BANF1: variants seen among roughly 807,000 people sequenced by gnomAD.
BANF1 encodes barrier to autointegration nuclear assembly factor 1, also known as barrier-to-autointegration factor.
For synonymous variants in BANF1, 49 were observed against 43.7 expected (o/e 1.12, Z -0.48); for missense variants, 47 against 110.4 (o/e 0.43, Z 2.57).
chr11:66,002,592 G>C (rs1856019585), intron 1 of BANF1, 22 bp downstream of exon 1: 2 of 152,654 alleles, frequency 1.3e-5, no homozygotes, highest in African/African-American at 4.8e-5. Flanking sequence ...CCGCGGAGCA[G>C]GGCCCTGATT....
intron 1 of BANF1, chr11:66,002,841 TAGAG>T (rs147545467): frequency 0.04 from 12,137 of 303,662 alleles, 497 homozygotes; most frequent in East Asian, 0.15. Flanking sequence ...GCCCTGTAGG[TAGAG>T]AGACCCTTTG....
chr11:66,003,703 T>C lies in BANF1; in HGVS notation c.201T>C (p.Cys67=), dbSNP rs1856067342. The change falls in exon 3 of 3, where the codon TGT becomes TGC. Residue 67 remains cysteine (C), a synonymous_variant. Coordinates refer to ENST00000312175, the MANE Select transcript of BANF1 (RefSeq NM_003860.4). The stretch of plus-strand genomic sequence containing the variant: ...TCCGGGAATGGCTGAAAGACACTTG[T>C]GGCGCCAACGCCAAGCAGTCCCGGG... The part of the protein sequence containing the change: ...DLFREWLKDT[C]GANAKQSRDC... The C allele has an allele frequency of 6.2e-7, 1 of 1,614,180 alleles. No homozygotes were observed. The highest frequency in any genetic ancestry group is 8.5e-7 in the Non-Finnish European group (1 of 1,180,034).
chr11:66,002,664 C>CT (rs1206470172), intron 1 of BANF1, 94 bp downstream of exon 1: 2 of 138,230 alleles, frequency 1.4e-5, no homozygotes, highest in East Asian at 4.5e-4. Flanking sequence ...GTGGCGGGCC[C>CT]TGGGGGAGAG....
At chr11:66,003,485 C>T (rs998643472) in intron 2 of BANF1, 112 bp downstream of exon 2, 27 of 1,607,298 alleles carry the variant, frequency 1.7e-5, no homozygotes, top group Non-Finnish European at 1.7e-5. Flanking sequence ...AGAGCCTGGG[C>T]ACCTGGTGGA....
At chr11:66,003,522 G>T in intron 2 of BANF1, 104 bp from the exon 3 acceptor site, 2 of 1,610,892 alleles carry the variant, frequency 1.2e-6, no homozygotes, top group South Asian at 1.1e-5. Context: ...AACCCGCGCT[G>T]CTTCCTGGGC....
rs1245495017 is a variant in BANF1, at chr11:66,004,144, T to G, written c.*372T>G. On this transcript the variant is annotated 3_prime_UTR_variant, in exon 3 of 3. Coordinates refer to ENST00000312175, the MANE Select transcript of BANF1 (RefSeq NM_003860.4). ...TTTAGATCAATAAAGTCAGTGGCTT[T>G]CATGACTGGGCTTTGTGCACTGAAA... is the stretch of plus-strand genomic sequence containing the variant. 2.9e-6 allele frequency: 1 copy of G among 345,990 alleles called. No homozygotes were observed. Among genetic ancestry groups the G allele is most frequent in the Non-Finnish European group, 5.6e-6 (1 of 178,572 alleles). 21.4% of individuals were successfully genotyped at this position (345,990 alleles called of 1,614,324 possible).
chr11:66,003,167 G>C lies in BANF1; in HGVS notation c.-16-68G>C, dbSNP rs190496509. On this transcript the variant is annotated intron_variant, in intron 1 of 2. Coordinates refer to ENST00000312175, the MANE Select transcript of BANF1 (RefSeq NM_003860.4). The stretch of plus-strand genomic sequence containing the variant: ...CTGGCTTGGCTTCCTCTTACTATGA[G>C]ATTGCTCGTGGGCCCTTAGAAGTTC... 1,603 of 1,561,952 alleles carry C rather than the reference G, an allele frequency of 1.0e-3. 8 individuals are homozygous for C. The Middle Eastern group carries it at 0.026, about 25-fold the overall frequency.
At chr11:66,002,847 G>A (rs1161337612) in intron 1 of BANF1, 4 of 311,390 alleles carry the variant, frequency 1.3e-5, no homozygotes, top group African/African-American at 8.8e-5. Flanking sequence ...TAGGTAGAGA[G>A]ACCCTTTGGT....
chr11:66,003,989 C>A lies in BANF1; in HGVS notation c.*217C>A. 1.7e-6 allele frequency: 1 copy of A among 576,970 alleles called. No homozygotes were observed. The highest frequency in any genetic ancestry group is 3.0e-6 in the Non-Finnish European group (1 of 328,458). 35.7% of individuals were successfully genotyped at this position (576,970 alleles called of 1,614,324 possible). A position where few individuals can be genotyped will look rare whatever the true frequency, so the allele number is the denominator to read the frequency against. ...CCCCGTCCTTTTTCCCTTGCCAGTT[C>A]CCTGGTGACAGTTACCAGCTTTCCT... On this transcript the variant is annotated 3_prime_UTR_variant, in exon 3 of 3. Transcript: ENST00000312175.
rs763883395 is a variant in BANF1 at position 66,003,671 on chromosome 11, G to T, written c.169G>T (p.Asp57Tyr). 3.1e-6 allele frequency: 5 copies of T among 1,614,102 alleles called. No individual in the cohort carries two copies. In the Admixed American group the frequency reaches 6.7e-5, roughly 22 times the overall value. ...GTTTCTGGTGCTAAAGAAAGATGAAGACCTCTTCCGGGAATGGCTGAAAGA... is the reference window on the plus strand; with the variant it reads ...GTTTCTGGTGCTAAAGAAAGATGAATACCTCTTCCGGGAATGGCTGAAAGA... ...GQFLVLKKDE[D>Y]LFREWLKDTC... is the part of the protein sequence containing the mutation. The change falls in exon 3 of 3, where the codon GAC becomes TAC. Residue 57 changes from aspartate to tyrosine, a missense_variant. Coordinates refer to ENST00000312175, the MANE Select transcript of BANF1 (RefSeq NM_003860.4).
chr11:66,003,119 G>C, intron 1 of BANF1, 116 bp from the exon 2 acceptor site: 1 of 1,072,254 alleles, frequency 9.3e-7, no homozygotes, highest in Non-Finnish European at 1.4e-6. Flanking sequence ...GGATGAGGGG[G>C]ATCGAGCAAG....
At chr11:66,003,059 C>T (rs913621260) in intron 1 of BANF1, 176 bp from the exon 2 acceptor site, 12 of 684,296 alleles carry the variant, frequency 1.8e-5, no homozygotes, top group African/African-American at 1.5e-4. Flanking sequence ...GAAGAAACTC[C>T]TCTTAAAAAT....
chr11:66,003,415 A>C, intron 2 of BANF1, 42 bp downstream of exon 2: 1 of 1,613,342 alleles, frequency 6.2e-7, no homozygotes, highest in Non-Finnish European at 8.5e-7. Context: ...CGGGGGGTGG[A>C]AGGGAAGTGA....
chr11:66,003,582 C>G, intron 2 of BANF1, 44 bp from the exon 3 acceptor site: 3 of 479,668 alleles, frequency 6.3e-6, no homozygotes, highest in South Asian at 7.0e-5. Context: ...TTATCTCTCA[C>G]TGAGCACTGA....
Position 66,003,681 on chromosome 11 carries a change from G to A in BANF1, c.179G>A (p.Arg60Gln), listed in dbSNP as rs901160979. Reference sequence around the variant, plus strand: ...CTAAAGAAAGATGAAGACCTCTTCCGGGAATGGCTGAAAGACACTTGTGGC... The same window carrying A: ...CTAAAGAAAGATGAAGACCTCTTCCAGGAATGGCTGAAAGACACTTGTGGC... ...LVLKKDEDLF[R>Q]EWLKDTCGAN... The change falls in exon 3 of 3, where the codon CGG becomes CAG. Residue 60 changes from arginine (R) to glutamine (Q), a missense_variant. By Grantham distance (43) the Arg-to-Gln change is conservative. Transcript: ENST00000312175. 3.1e-6 allele frequency: 5 copies of A among 1,613,910 alleles called. No homozygotes were observed. Among genetic ancestry groups the A allele is most frequent in the Non-Finnish European group, 4.2e-6 (5 of 1,180,004 alleles).
rs1231178921 is a variant in BANF1 at position 66,003,518 on chromosome 11, C to T, written c.124-108C>T. On this transcript the variant is annotated intron_variant, in intron 2 of 2. Transcript: ENST00000312175. ...GGAGAGGAGAGGGGGGCAAAACCCG[C>T]GCTGCTTCCTGGGCTTGTGTGCTCT... 12 of 1,609,786 alleles carry T rather than the reference C, an allele frequency of 7.5e-6. No individual in the cohort carries two copies. In the South Asian group the frequency reaches 1.1e-4, roughly 15 times the overall value.
chr11:66,003,314 A>C lies in BANF1; in HGVS notation c.64A>C (p.Ser22Arg). Reference protein sequence around the residue: ...AEPMGEKPVGSLAGIGEVLGK... With the variant: ...AEPMGEKPVGRLAGIGEVLGK... ...GCCCATGGGGGAGAAGCCAGTGGGG[A>C]GCCTGGCTGGGATTGGTGAAGTCCT... is the stretch of plus-strand genomic sequence containing the variant. The change falls in exon 2 of 3, where the codon AGC (serine) becomes CGC (arginine). Residue 22 changes from serine to arginine, a missense_variant. By Grantham distance (110) the Ser-to-Arg change is moderately radical. Coordinates refer to ENST00000312175, the MANE Select transcript of BANF1 (RefSeq NM_003860.4). 1 of 1,612,386 alleles carries C rather than the reference A, an allele frequency of 6.2e-7. No individual in the cohort carries two copies. Among genetic ancestry groups the C allele is most frequent in the South Asian group, 1.1e-5 (1 of 91,010 alleles).
chr11:66,004,004 C>T lies in BANF1; in HGVS notation c.*232C>T, dbSNP rs1179787543. On this transcript the variant is annotated 3_prime_UTR_variant, in exon 3 of 3. Transcript: ENST00000312175. ...CTTGCCAGTTCCCTGGTGACAGTTA[C>T]CAGCTTTCCTGAATGGATTCCCGGC... is the stretch of plus-strand genomic sequence containing the variant. The T allele has an allele frequency of 1.8e-6, 1 of 546,780 alleles. No homozygotes were observed. Among genetic ancestry groups the T allele is most frequent in the Non-Finnish European group, 3.3e-6 (1 of 306,010 alleles). 33.9% of individuals were successfully genotyped at this position (546,780 alleles called of 1,614,324 possible). A position where few individuals can be genotyped will look rare whatever the true frequency, so the allele number is the denominator to read the frequency against.
Position 66,003,878 on chromosome 11 carries a change from C to T in BANF1, c.*106C>T. 1 of 1,519,830 alleles carries T rather than the reference C, an allele frequency of 6.6e-7. No homozygotes were observed. Among genetic ancestry groups the T allele is most frequent in the Non-Finnish European group, 9.0e-7 (1 of 1,109,332 alleles). The allele number at this position is 1,519,830 out of a possible 1,614,324, so 94.1% of individuals were successfully genotyped here. ...AGGAAAAGATTGCTATTGTCGTACT[C>T]ACCTCCGACGTACTCCGGGGTCTTT... On this transcript the variant is annotated 3_prime_UTR_variant, in exon 3 of 3. Coordinates refer to ENST00000312175, the MANE Select transcript of BANF1 (RefSeq NM_003860.4).
Sources: allele counts gnomAD v4.1 joint callset, GRCh38; gene constraint gnomAD v4.1.1; transcripts MANE v1.5; gene names NCBI Gene and HGNC (gene_info 2026-07-23, HGNC 2026-07-21).